Variants in RYR3 observed in about 807,000 individuals in gnomAD.
RYR3 encodes ryanodine receptor 3.
RYR3 carries 207 observed loss-of-function variants against 584.3 expected under a neutral mutation model. The ratio of observed to expected loss-of-function variants is 0.35; its 90% CI spans 0.32 to 0.40. The LOEUF is 0.40. RYR3 is among the 10% of genes least tolerant of loss of function. The probability of loss-of-function intolerance (pLI) is 1.00; values close to 1 mark genes in which losing one functional copy is unlikely to be tolerated. For synonymous variants in RYR3, 2,416 were observed against 2,248.5 expected (o/e 1.07, Z -2.11); for missense variants, 5,616 against 6,089.2 (o/e 0.92, Z 2.59).
chr15:33,515,817 T>C (rs2053466260), intron 3 of RYR3, among the ~76,000 whole-genome samples: 1 of 152,226 alleles, frequency 6.6e-6, no homozygotes, highest in Non-Finnish European at 1.5e-5. Flanking sequence ...TCTATAAAAA[T>C]TCATCAATGT....
intron 38 of RYR3, among the ~76,000 whole-genome samples, chr15:33,680,832 A>G (rs951433649): frequency 6.6e-6 from 1 of 152,234 alleles, no homozygotes; most frequent in Non-Finnish European, 1.5e-5. Context: ...ATTATGCATG[A>G]TGGTTACATC....
chr15:33,702,508 C>G (rs1227056466), intron 42 of RYR3, among the ~76,000 whole-genome samples: 1 of 152,168 alleles, frequency 6.6e-6, no homozygotes, highest in African/African-American at 2.4e-5. Flanking sequence ...CCATGTTTTC[C>G]TCCAAGGAGT....
intron 1 of RYR3, among the ~76,000 whole-genome samples, chr15:33,443,528 C>T (rs781500953): frequency 3.3e-5 from 5 of 152,208 alleles, no homozygotes; most frequent in Admixed American, 1.3e-4. Flanking sequence ...TCTTTCCACC[C>T]GAGAAATTAG....
chr15:33,520,603 G>GA (rs199997833), intron 3 of RYR3, among the ~76,000 whole-genome samples: 14 of 150,460 alleles, frequency 9.3e-5, no homozygotes, highest in South Asian at 2.1e-4. Flanking sequence ...GAATAATTCG[G>GA]AAAAAAAAAA....
chr15:33,726,908 T>C (rs1159879870), intron 46 of RYR3, among the ~76,000 whole-genome samples: 1 of 152,228 alleles, frequency 6.6e-6, no homozygotes, highest in Non-Finnish European at 1.5e-5. Context: ...GTATAGTTCA[T>C]AGTGAAATAA....
intron 1 of RYR3, among the ~76,000 whole-genome samples, chr15:33,447,451 A>T (rs1343559279): frequency 2.0e-5 from 3 of 152,100 alleles, no homozygotes; most frequent in Non-Finnish European, 4.4e-5. Flanking sequence ...CCCCATGCCC[A>T]CTTACTTTCC....
chr15:33,445,763 GTTTA>G (rs1201635182), intron 1 of RYR3, among the ~76,000 whole-genome samples: 3 of 147,402 alleles, frequency 2.0e-5, no homozygotes, highest in Non-Finnish European at 4.5e-5. Flanking sequence ...GAATTCAATG[GTTTA>G]TTTTTTTTTT....
intron 2 of RYR3, among the ~76,000 whole-genome samples, chr15:33,477,793 T>C (rs1458106502): frequency 8.0e-6 from 1 of 125,330 alleles, no homozygotes; most frequent in Non-Finnish European, 1.5e-5. Flanking sequence ...GAGAATGGCA[T>C]GAACCCGGGA....
chr15:33,632,462 G>A (rs1023695909), intron 23 of RYR3, among the ~76,000 whole-genome samples: 6 of 152,178 alleles, frequency 3.9e-5, no homozygotes, highest in African/African-American at 1.2e-4. Flanking sequence ...AAAATACTCT[G>A]ACATCATTCT....
chr15:33,470,233 G>A (rs2048820885), intron 1 of RYR3, among the ~76,000 whole-genome samples: 2 of 152,018 alleles, frequency 1.3e-5, no homozygotes, highest in Admixed American at 1.3e-4. Context: ...GCTTATTATT[G>A]CACCTTCTAA....
intron 43 of RYR3, among the ~76,000 whole-genome samples, chr15:33,717,012 T>G (rs2067544067): frequency 2.0e-5 from 3 of 152,228 alleles, no homozygotes; most frequent in African/African-American, 7.2e-5. Context: ...ACTTCAGGTT[T>G]CTATGGCATT....
chr15:33,545,148 A>T (rs1489961796), intron 8 of RYR3, among the ~76,000 whole-genome samples: 1 of 152,084 alleles, frequency 6.6e-6, no homozygotes, highest in Non-Finnish European at 1.5e-5. Context: ...TTCCTGTTCT[A>T]CTTTTAAGGA....
chr15:33,698,059 G>T lies in RYR3; in HGVS notation c.6249+63G>T, dbSNP rs546226472. 48 of 1,109,064 alleles carry T rather than the reference G, an allele frequency of 4.3e-5. No homozygotes were observed. In the African/African-American group the frequency reaches 7.0e-4, roughly 16 times the overall value. 68.7% of individuals were successfully genotyped at this position (1,109,064 alleles called of 1,614,324 possible). A position where few individuals can be genotyped will look rare whatever the true frequency, so the allele number is the denominator to read the frequency against. ...TTGAGGCAGGAGCACGAGGTGACTTGTTCAGAGCCACGTGGCTGGTGTCCC... is the reference window on the plus strand; with the variant it reads ...TTGAGGCAGGAGCACGAGGTGACTTTTTCAGAGCCACGTGGCTGGTGTCCC... On this transcript the variant is annotated intron_variant, in intron 40 of 103. Transcript: ENST00000634891.
chr15:33,770,512 G>T (rs951573101), intron 62 of RYR3, among the ~76,000 whole-genome samples: 10 of 152,198 alleles, frequency 6.6e-5, no homozygotes, highest in African/African-American at 2.4e-4. Flanking sequence ...AGCACTTTGG[G>T]AGGCAGAGGT....
chr15:33,545,544 G>A (rs548629825), intron 8 of RYR3, among the ~76,000 whole-genome samples: 8 of 152,216 alleles, frequency 5.3e-5, no homozygotes, highest in South Asian at 2.1e-4. Flanking sequence ...ATAAGGAAGC[G>A]TGAAGGGTTT....
rs761201976 is a variant in RYR3, at chr15:33,550,150, A to G, written c.816-10A>G. On this transcript the variant is annotated splice_polypyrimidine_tract_variant and intron_variant, in intron 9 of 103. Transcript: ENST00000634891. ...ATAAATGCAATTTCTTGTCTGTTTC[A>G]TCTGCCCAGCTGGAGTGGCAGTAAC... 3 of 1,608,550 alleles carry G rather than the reference A, an allele frequency of 1.9e-6. No homozygotes were observed. In the South Asian group the frequency reaches 3.3e-5, roughly 18 times the overall value.
At chr15:33,801,528 T>C (rs2075917654) in intron 68 of RYR3, among the ~76,000 whole-genome samples, 1 of 152,170 alleles carries the variant, frequency 6.6e-6, no homozygotes, top group African/African-American at 2.4e-5. Context: ...TGGGGTCAAA[T>C]ATTTTTATTT....
chr15:33,830,812 G>C (rs922642790), intron 85 of RYR3, 151 bp from the exon 86 acceptor site: 2 of 638,576 alleles, frequency 3.1e-6, no homozygotes, highest in East Asian at 5.9e-5. Context: ...TAGAGACCTG[G>C]TATCTCTGCA....
At position 33,642,955 on chromosome 15, in the gene RYR3, T is replaced by A. The variant is rs547449317; in HGVS notation, c.3557-1356T>A. Reference sequence around the variant, plus strand: ...GTCTGTATCCTAAGTGAGTTTATAGTTTCTAAAAGCAACCACATAGCTTGC... The same window carrying A: ...GTCTGTATCCTAAGTGAGTTTATAGATTCTAAAAGCAACCACATAGCTTGC... On this transcript the variant is annotated intron_variant, in intron 27 of 103. Coordinates refer to ENST00000634891, the MANE Select transcript of RYR3 (RefSeq NM_001036.6). Among the ~76,000 whole-genome samples, 3 of 152,360 alleles carry A rather than the reference T, an allele frequency of 2.0e-5. No homozygotes were observed. In the East Asian group the frequency reaches 5.8e-4, roughly 29 times the overall value.
Sources: allele counts gnomAD v4.1 joint callset (sites outside exome capture counted in the v4.1 genomes callset), GRCh38; gene constraint gnomAD v4.1.1; transcripts MANE v1.5; gene names NCBI Gene and HGNC (gene_info 2026-07-23, HGNC 2026-07-21).